The following TDG variants were observed in gnomAD, a reference collection of about 807,000 sequenced individuals.
TDG encodes G/T mismatch-specific thymine DNA glycosylase.
A neutral mutation model predicts 46.1 loss-of-function variants in TDG; 23 were observed. That is an observed-to-expected ratio of 0.50 (90% CI 0.36 to 0.71). TDG has a LOEUF of 0.71. Among genes scored for constraint, TDG ranks in the 30% least tolerant of loss-of-function variants. The probability of loss-of-function intolerance (pLI) is 0.00; values close to 1 mark genes in which losing one functional copy is unlikely to be tolerated. For missense variants in TDG, 304 were observed against 486.7 expected, an observed-to-expected ratio of 0.62 and a Z score of 3.53; for synonymous variants, 115 against 161.3, an observed-to-expected ratio of 0.71 and a Z score of 2.18.
At position 103,975,843 on chromosome 12, in the gene TDG, G is replaced by A. The variant is rs182610659; in HGVS notation, c.24-1075G>A. ...TGCCCGGCTAATTTTTATATTTTTAGTAGAGGCGGGGTTTTGCCATGTTGG... is the reference window on the plus strand; with the variant it reads ...TGCCCGGCTAATTTTTATATTTTTAATAGAGGCGGGGTTTTGCCATGTTGG... On this transcript the variant is annotated intron_variant, in intron 1 of 9. Coordinates refer to ENST00000392872, the MANE Select transcript of TDG (RefSeq NM_003211.6). Among the ~76,000 whole-genome samples the A allele has an allele frequency of 2.4e-4, 36 of 151,894 alleles. 1 individual carries two copies. Among genetic ancestry groups the A allele is most frequent in the Non-Finnish European group, 3.8e-4 (26 of 67,972 alleles).
At position 103,985,600 on chromosome 12, in the gene TDG, C is replaced by T. The variant is rs199717274; in HGVS notation, c.965-3C>T. 9.7e-5 allele frequency: 58 copies of T among 598,696 alleles called. No individual in the cohort carries two copies. In the East Asian group the frequency reaches 8.0e-3, roughly 83 times the overall value. 37.1% of individuals were successfully genotyped at this position (598,696 alleles called of 1,614,324 possible). On this transcript the variant is annotated splice_polypyrimidine_tract_variant and splice_region_variant and intron_variant, in intron 8 of 9. Transcript: ENST00000392872. ...ATTTAAATCCTTTTTACCTTCCTCACAGAGGATGCAAAGAAGATGGCTGTT... is the reference window on the plus strand; with the variant it reads ...ATTTAAATCCTTTTTACCTTCCTCATAGAGGATGCAAAGAAGATGGCTGTT...
Position 103,984,627 on chromosome 12 carries a change from ATATATT to A in TDG, c.793-116_793-111del, listed in dbSNP as rs1872015725. On this transcript the variant is annotated intron_variant, in intron 7 of 9. Coordinates refer to ENST00000392872, the MANE Select transcript of TDG (RefSeq NM_003211.6). Reference sequence around the variant, plus strand: ...AGCAACTACTTTTATTGATTTTTACATATATTTATATGTAGTTAAGTATCAAGTTAT... The same window carrying A: ...AGCAACTACTTTTATTGATTTTTACATATATGTAGTTAAGTATCAAGTTAT... 9 of 691,600 alleles carry A rather than the reference ATATATT, an allele frequency of 1.3e-5. No homozygotes were observed. The South Asian group carries it at 1.4e-4, about 10-fold the overall frequency. 42.8% of individuals were successfully genotyped at this position (691,600 alleles called of 1,614,324 possible). A position where few individuals can be genotyped will look rare whatever the true frequency, so the allele number is the denominator to read the frequency against.
intron 2 of TDG, among the ~76,000 whole-genome samples, chr12:103,979,441 G>A (rs537575285): frequency 1.2e-4 from 18 of 151,950 alleles, no homozygotes; most frequent in Admixed American, 4.6e-4. Flanking sequence ...GAGTTAAAAT[G>A]TTTCCCTTCC....
At chr12:103,983,757 A>G (rs1446805104) in intron 7 of TDG, among the ~76,000 whole-genome samples, 1 of 152,238 alleles carries the variant, frequency 6.6e-6, no homozygotes. Context: ...GATCCTGATT[A>G]GGAAAACCAG....
At chr12:103,971,157 A>G (rs1263216228) in intron 1 of TDG, among the ~76,000 whole-genome samples, 1 of 152,228 alleles carries the variant, frequency 6.6e-6, no homozygotes, top group Non-Finnish European at 1.5e-5. Flanking sequence ...GGGGTTCTAC[A>G]ACCAGTCCCC....
intron 9 of TDG, among the ~76,000 whole-genome samples, chr12:103,986,006 C>G (rs1304805819): frequency 6.6e-6 from 1 of 152,044 alleles, no homozygotes; most frequent in Non-Finnish European, 1.5e-5. Context: ...TGCAAGCTCC[C>G]CCTCCTGGGT....
intron 1 of TDG, among the ~76,000 whole-genome samples, chr12:103,975,664 A>C (rs1052115796): frequency 6.7e-6 from 1 of 148,200 alleles, no homozygotes; most frequent in Non-Finnish European, 1.5e-5. Context: ...CCTAATCACC[A>C]TTTTTTTTTT....
chr12:103,983,119 T>G lies in TDG; in HGVS notation c.615-17T>G. ...TGTCATATTTATATTTTTGACTACT[T>G]TTTAATTCAATTTTAGTAAAGAATT... On this transcript the variant is annotated splice_polypyrimidine_tract_variant and intron_variant, in intron 5 of 9. Transcript: ENST00000392872. 6.4e-7 allele frequency: 1 copy of G among 1,569,024 alleles called. No individual in the cohort carries two copies. Among genetic ancestry groups the G allele is most frequent in the South Asian group, 1.2e-5 (1 of 83,306 alleles).
intron 5 of TDG, 51 bp from the exon 6 acceptor site, chr12:103,983,085 T>C (rs1051755061): frequency 3.2e-6 from 5 of 1,553,408 alleles, no homozygotes; most frequent in African/African-American, 2.8e-5. Context: ...TTTAGCATAT[T>C]ATAAATATTG....
At chr12:103,966,199 C>T (rs1871009277) in intron 1 of TDG, 139 bp downstream of exon 1, 3 of 1,209,906 alleles carry the variant, frequency 2.5e-6, no homozygotes, top group Non-Finnish European at 3.3e-6. Context: ...GCACTGTGGC[C>T]TGGTCGGCCT....
At chr12:103,970,530 T>A (rs943041560) in intron 1 of TDG, among the ~76,000 whole-genome samples, 3 of 151,908 alleles carry the variant, frequency 2.0e-5, no homozygotes, top group African/African-American at 7.3e-5. Flanking sequence ...TAATTGAAGA[T>A]AAAAGAAGTT....
Position 103,984,330 on chromosome 12 carries a change from A to G in TDG, c.793-419A>G, listed in dbSNP as rs964149790. ...ATTTGGAGGCCGGGCGTGGTGGCTC[A>G]TGCCTATAATCCCAGCACTTTGGGA... On this transcript the variant is annotated intron_variant, in intron 7 of 9. Transcript: ENST00000392872. 1.6e-4 allele frequency among the ~76,000 whole-genome samples: 24 copies of G among 152,302 alleles called. No individual in the cohort carries two copies. The East Asian group carries it at 3.9e-3, about 25-fold the overall frequency.
Position 103,987,540 on chromosome 12 carries a change from G to A in TDG, c.*450G>A, listed in dbSNP as rs1249147246. 1 of 155,386 alleles carries A rather than the reference G, an allele frequency of 6.4e-6. No homozygotes were observed. The highest frequency in any genetic ancestry group is 1.4e-5 in the Non-Finnish European group (1 of 69,674). 9.6% of individuals were successfully genotyped at this position (155,386 alleles called of 1,614,324 possible). On this transcript the variant is annotated 3_prime_UTR_variant, in exon 10 of 10. Transcript: ENST00000392872. The stretch of plus-strand genomic sequence containing the variant: ...TTTTTGTATATGAAGTTAAGCCTCA[G>A]TGGAGTCTCATTTGTTAGTTTTTAG...
intron 1 of TDG, among the ~76,000 whole-genome samples, chr12:103,971,622 G>A (rs1202155874): frequency 6.6e-6 from 1 of 152,134 alleles, no homozygotes; most frequent in Admixed American, 6.6e-5. Flanking sequence ...CAGAAGGTAA[G>A]TGCAAATGGA....
At chr12:103,966,844 A>T (rs766231273) in intron 1 of TDG, among the ~76,000 whole-genome samples, 1 of 152,216 alleles carries the variant, frequency 6.6e-6, no homozygotes, top group Non-Finnish European at 1.5e-5. Flanking sequence ...TCAGTGGCTA[A>T]TGGGAGCTGA....
At chr12:103,974,529 C>T (rs1240219429) in intron 1 of TDG, among the ~76,000 whole-genome samples, 1 of 152,138 alleles carries the variant, frequency 6.6e-6, no homozygotes, top group Non-Finnish European at 1.5e-5. Context: ...GATCCTCCCG[C>T]CTTGCCCTCC....
rs776409591 is a variant in TDG at position 103,979,993 on chromosome 12, G to C, written c.329G>C (p.Arg110Pro). Residue 110 changes from arginine to proline, a missense_variant, in exon 3 of 10, where the codon CGT becomes CCT. Transcript: ENST00000392872. ...DTFKVKRKVD[R>P]FNGVSEAELL... Reference sequence around the variant, plus strand: ...TTTAAAGTAAAAAGAAAAGTAGACCGTTTTAATGGTGTTTCAGAAGCTGAA... The same window carrying C: ...TTTAAAGTAAAAAGAAAAGTAGACCCTTTTAATGGTGTTTCAGAAGCTGAA... The C allele has an allele frequency of 7.4e-6, 12 of 1,613,632 alleles. No individual in the cohort carries two copies. The Admixed American group carries it at 2.0e-4, about 27-fold the overall frequency.
chr12:103,971,181 C>G lies in TDG; in HGVS notation c.23+5121C>G, dbSNP rs543361305. 5.9e-5 allele frequency among the ~76,000 whole-genome samples: 9 copies of G among 152,286 alleles called. No homozygotes were observed. In the South Asian group the frequency reaches 1.9e-3, roughly 32 times the overall value. On this transcript the variant is annotated intron_variant, in intron 1 of 9. Coordinates refer to ENST00000392872, the MANE Select transcript of TDG (RefSeq NM_003211.6). ...CAACCAGTCCCCCATGTATGCAAAA[C>G]TAGGTACATACCACAGTCCATTTTT...
In TDG at chr12:103,977,037, C is replaced by A. The variant is rs376956993; in HGVS notation, c.143C>A (p.Ala48Asp). The part of the protein sequence containing the change: ...QQMPEEVPAP[A>D]PAQEPVQEAP... ...ATGCCAGAAGAAGTTCCAGCCCCAG[C>A]TCCTGCTCAGGAACCAGTGCAAGGT... Residue 48 changes from alanine (A) to aspartate (D), a missense_variant, in exon 2 of 10, where the codon GCT becomes GAT. By Grantham distance (126) the Ala-to-Asp change is moderately radical. Coordinates refer to ENST00000392872, the MANE Select transcript of TDG (RefSeq NM_003211.6). 1.2e-6 allele frequency: 2 copies of A among 1,613,240 alleles called. No homozygotes were observed. Among genetic ancestry groups the A allele is most frequent in the Non-Finnish European group, 1.7e-6 (2 of 1,179,822 alleles).
Sources: allele counts gnomAD v4.1 joint callset (sites outside exome capture counted in the v4.1 genomes callset), GRCh38; gene constraint gnomAD v4.1.1; transcripts MANE v1.5; gene names NCBI Gene and HGNC (gene_info 2026-07-23, HGNC 2026-07-21).